The following SLC51A variants were observed in gnomAD, a reference collection of about 807,000 sequenced individuals.
SLC51A encodes the protein solute carrier family 51 member A, also known as organic solute transporter subunit alpha.
Under a neutral mutation model 34.8 loss-of-function variants are expected in SLC51A, and 22 were observed. That is an observed-to-expected ratio of 0.63 (90% CI 0.45 to 0.90). The LOEUF (loss-of-function observed/expected upper bound fraction) is 0.90, where lower values mean the gene tolerates loss of function less well. SLC51A is among the 40% of genes least tolerant of loss of function. The pLI is 0.00. For missense variants in SLC51A, 371 were observed against 414.8 expected (o/e 0.89, Z 0.92); for synonymous variants, 181 against 176.3 (o/e 1.03, Z -0.21).
At position 196,229,994 on chromosome 3, in the gene SLC51A, T is replaced by A. The variant is rs1194281848; in HGVS notation, c.713T>A (p.Ile238Asn). Reference sequence around the variant, plus strand: ...CTGCTGGCTCTCTGGACCCTGGGCATCATTTCCCGTCAAGCCAGGCTACAC... The same window carrying A: ...CTGCTGGCTCTCTGGACCCTGGGCAACATTTCCCGTCAAGCCAGGCTACAC... ...STLLALWTLG[I>N]ISRQARLHLG... The change falls in exon 7 of 9, where the codon ATC (isoleucine) becomes AAC (asparagine). Residue 238 changes from isoleucine (I) to asparagine (N), a missense_variant. Physicochemically the swap from Ile to Asn is moderately radical, Grantham distance 149. Coordinates refer to ENST00000296327, the MANE Select transcript of SLC51A (RefSeq NM_152672.6). 5.6e-6 allele frequency: 9 copies of A among 1,613,970 alleles called. No individual in the cohort carries two copies. The highest frequency in any genetic ancestry group is 6.8e-6 in the Non-Finnish European group (8 of 1,179,908).
rs752520346 is a variant in SLC51A, at chr3:196,229,957, G to A, written c.676G>A (p.Gly226Ser). ...AGCTCTATGGATCAACACTTTCCTT[G>A]GCGTGTCCACACTGCTGGCTCTCTG... is the stretch of plus-strand genomic sequence containing the variant. ...STALWINTFL[G>S]VSTLLALWTL... Residue 226 changes from glycine to serine, a missense_variant, in exon 7 of 9, where the codon GGC (glycine) becomes AGC (serine). Physicochemically the swap from Gly to Ser is moderately conservative, Grantham distance 56 (BLOSUM62 0). Transcript: ENST00000296327. The A allele has an allele frequency of 7.4e-6, 12 of 1,613,248 alleles. No individual in the cohort carries two copies. The highest frequency in any genetic ancestry group is 3.3e-5 in the South Asian group (3 of 90,976).
rs187216393 is a variant in SLC51A at position 196,226,421 on chromosome 3, G to A, written c.134-544G>A. On this transcript the variant is annotated intron_variant, in intron 2 of 8. Coordinates refer to ENST00000296327, the MANE Select transcript of SLC51A (RefSeq NM_152672.6). ...CCAGAATGTCCCATAAATTATATTC[G>A]GCTTCAATTATGTTAATTGATCTAC... is the stretch of plus-strand genomic sequence containing the variant. 6 of 152,120 alleles carry A rather than the reference G, an allele frequency of 3.9e-5. No homozygotes were observed. In the East Asian group the frequency reaches 7.7e-4, roughly 20 times the overall value. 9.4% of individuals were successfully genotyped at this position (152,120 alleles called of 1,614,324 possible).
At chr3:196,221,040 T>A (rs541037762) in intron 2 of SLC51A, among the ~76,000 whole-genome samples, 1 of 151,280 alleles carries the variant, frequency 6.6e-6, no homozygotes, top group African/African-American at 2.4e-5. Context: ...CACAGGCACA[T>A]GCCACCAAGC....
intron 2 of SLC51A, among the ~76,000 whole-genome samples, chr3:196,224,726 GAGGGGAGGA>G (rs1723853787): frequency 1.4e-5 from 1 of 69,138 alleles, no homozygotes; most frequent in Non-Finnish European, 2.9e-5. Context: ...GAGGGGAGGA[GAGGGGAGGA>G]GAGGGGAGAG....
chr3:196,232,681 T>G (rs1724053249), intron 8 of SLC51A, 157 bp downstream of exon 8: 4 of 636,836 alleles, frequency 6.3e-6, no homozygotes, highest in Admixed American at 2.7e-5. Context: ...TTAAGGAAAC[T>G]ATGACCTCTC....
At chr3:196,217,321 TCC>T (rs1723616370) in intron 1 of SLC51A, among the ~76,000 whole-genome samples, 1 of 152,108 alleles carries the variant, frequency 6.6e-6, no homozygotes, top group Non-Finnish European at 1.5e-5. Flanking sequence ...CCAGTTTGAG[TCC>T]TGGAGTTCGA....
intron 7 of SLC51A, 120 bp from the exon 8 acceptor site, chr3:196,232,299 C>T: frequency 1.5e-6 from 1 of 689,084 alleles, no homozygotes; most frequent in South Asian, 1.7e-5. Flanking sequence ...TGTGACTGCA[C>T]AGATCTGACG....
intron 2 of SLC51A, among the ~76,000 whole-genome samples, chr3:196,219,446 G>A (rs184361704): frequency 3.9e-5 from 6 of 152,278 alleles, no homozygotes; most frequent in Admixed American, 6.5e-5. Flanking sequence ...CATTTAACAC[G>A]TTTCCCAGGC....
Position 196,228,157 on chromosome 3 carries a change from G to C in SLC51A, c.405G>C (p.Val135=). The C allele has an allele frequency of 6.2e-7, 1 of 1,614,198 alleles. No homozygotes were observed. Among genetic ancestry groups the C allele is most frequent in the African/African-American group, 1.3e-5 (1 of 75,074 alleles). ...VCFYLLMLVM[V]EGFGGKEAVL... is the part of the protein sequence containing the mutation. ...TTTACCTGCTGATGCTGGTCATGGT[G>C]GAAGGCTTTGGGGGGAAGGAGGCAG... Residue 135 remains valine (V), a synonymous_variant, in exon 5 of 9, where the codon GTG becomes GTC. Transcript: ENST00000296327. This position sits in a 1 kb window ranked among gnomAD's most constrained non-coding sequence, Gnocchi z 4.9.
chr3:196,224,697 CG>C (rs372712523), intron 2 of SLC51A, among the ~76,000 whole-genome samples: 12,354 of 41,064 alleles, frequency 0.3, 1,563 homozygotes, highest in African/African-American at 0.45. Flanking sequence ...GGGGGCGGGG[CG>C]GGGGGGGGAG....
chr3:196,222,649 G>A (rs918774119), intron 2 of SLC51A, among the ~76,000 whole-genome samples: 2 of 148,816 alleles, frequency 1.3e-5, no homozygotes, highest in Admixed American at 1.3e-4. Flanking sequence ...AAAAAAAAAA[G>A]TTAAGTTTTG....
chr3:196,216,556 A>C lies in SLC51A; in HGVS notation c.-157A>C. 1.3e-6 allele frequency: 1 copy of C among 769,422 alleles called. No homozygotes were observed. The allele number at this position is 769,422 out of a possible 1,614,324, so 47.7% of individuals were successfully genotyped here. ...TCTGAGATAGAAAGTTGGCCCGGGA[A>C]GCTCAAGGAGGGAGAGCGGCAGAGG... On this transcript the variant is annotated 5_prime_UTR_variant, in exon 1 of 9. Coordinates refer to ENST00000296327, the MANE Select transcript of SLC51A (RefSeq NM_152672.6). This position sits in a 1 kb window ranked among gnomAD's most constrained non-coding sequence, Gnocchi z 4.5.
Position 196,232,451 on chromosome 3 carries a change from C to T in SLC51A, c.813C>T (p.Ser271=). Residue 271 remains serine, a synonymous_variant, in exon 8 of 9, where the codon TCC becomes TCT. Transcript: ENST00000296327. The stretch of plus-strand genomic sequence containing the variant: ...TCATCCTGACTGCCCTACAGCCCTC[C>T]ATCTTCTCAGTCTTGGCCAACGGTG... ...VLLILTALQP[S]IFSVLANGGQ... is the part of the protein sequence containing the mutation. 2 of 1,614,224 alleles carry T rather than the reference C, an allele frequency of 1.2e-6. No individual in the cohort carries two copies.
At chr3:196,221,098 G>T (rs1723744470) in intron 2 of SLC51A, among the ~76,000 whole-genome samples, 1 of 151,432 alleles carries the variant, frequency 6.6e-6, no homozygotes, top group East Asian at 1.9e-4. Flanking sequence ...TCTCCATGTT[G>T]CCCAGGCTGG....
At chr3:196,219,587 T>A (rs937168621) in intron 2 of SLC51A, among the ~76,000 whole-genome samples, 2 of 152,230 alleles carry the variant, frequency 1.3e-5, no homozygotes, top group African/African-American at 4.8e-5. Flanking sequence ...TGGTGGCCAC[T>A]CTGTGGTTAG....
intron 2 of SLC51A, 132 bp from the exon 3 acceptor site, chr3:196,226,833 G>A (rs1393795041): frequency 1.4e-6 from 1 of 730,184 alleles, no homozygotes; most frequent in Non-Finnish European, 2.2e-6. Context: ...GAATACTCTA[G>A]GTCTAAAAAA....
intron 2 of SLC51A, among the ~76,000 whole-genome samples, chr3:196,224,248 T>G (rs1355395241): frequency 1.3e-5 from 2 of 151,832 alleles, no homozygotes; most frequent in African/African-American, 4.8e-5. Context: ...ACAAAATAAA[T>G]TTTTCACATC....
In SLC51A at chr3:196,217,893, C is replaced by T. The variant is rs34352044; in HGVS notation, c.90C>T (p.Ser30=). 7,223 of 1,613,508 alleles carry T rather than the reference C, an allele frequency of 4.5e-3. 286 individuals carry two copies. The African/African-American group carries it at 0.085, about 19-fold the overall frequency. The stretch of plus-strand genomic sequence containing the variant: ...TGAAGACCAATTACGGCATCCCCTC[C>T]GCCTGCTTCTCTCAGCCTCCCACAG... The part of the protein sequence containing the change: ...EVLKTNYGIP[S]ACFSQPPTAA... Residue 30 remains serine (S), a synonymous_variant, in exon 2 of 9, where the codon TCC becomes TCT. Coordinates refer to ENST00000296327, the MANE Select transcript of SLC51A (RefSeq NM_152672.6).
At chr3:196,220,707 G>A (rs1243365269) in intron 2 of SLC51A, among the ~76,000 whole-genome samples, 1 of 152,042 alleles carries the variant, frequency 6.6e-6, no homozygotes, top group Non-Finnish European at 1.5e-5. Flanking sequence ...AGGAAGGGTT[G>A]GGAAACAGGC....
Sources: allele counts gnomAD v4.1 joint callset (sites outside exome capture counted in the v4.1 genomes callset), GRCh38; gene constraint gnomAD v4.1.1; non-coding constraint Gnocchi (gnomAD v3.1); transcripts MANE v1.5; gene names NCBI Gene and HGNC (gene_info 2026-07-23, HGNC 2026-07-21).